The following CNTNAP2 variants were observed in gnomAD, a reference collection of about 807,000 sequenced individuals.
CNTNAP2 encodes the protein contactin associated protein 2.
Under a neutral mutation model 155.2 loss-of-function variants are expected in CNTNAP2, and 98 were observed. That is an observed-to-expected ratio of 0.63 (90% CI 0.54 to 0.75). The LOEUF is 0.75. CNTNAP2 is among the 30% of genes least tolerant of loss of function. The pLI is 0.00. For missense variants in CNTNAP2, 1,727 were observed against 1,688.1 expected (o/e 1.02, Z -0.40); for synonymous variants, 651 against 631.2 (o/e 1.03, Z -0.47).
chr7:147,985,269 G>T (rs1202467610), intron 15 of CNTNAP2, among the ~76,000 whole-genome samples: 1 of 151,662 alleles, frequency 6.6e-6, no homozygotes, highest in Non-Finnish European at 1.5e-5. Context: ...ATAAGCTTCT[G>T]AACCCCCACT....
At chr7:147,746,163 G>T (rs528100991) in intron 13 of CNTNAP2, among the ~76,000 whole-genome samples, 1 of 152,274 alleles carries the variant, frequency 6.6e-6, no homozygotes, top group African/African-American at 2.4e-5. Context: ...CTCCCTGCAG[G>T]TCTATAGTAG....
At chr7:146,903,469 A>G (rs1337121287) in intron 3 of CNTNAP2, among the ~76,000 whole-genome samples, 1 of 152,208 alleles carries the variant, frequency 6.6e-6, no homozygotes, top group Non-Finnish European at 1.5e-5. Context: ...AACAAAATAA[A>G]ACAAAATGAA....
chr7:146,821,281 A>T (rs1245327277), intron 2 of CNTNAP2, among the ~76,000 whole-genome samples: 1 of 152,120 alleles, frequency 6.6e-6, no homozygotes, highest in Non-Finnish European at 1.5e-5. Flanking sequence ...ACATTTTGGC[A>T]TGTTTTTGCA....
intron 13 of CNTNAP2, among the ~76,000 whole-genome samples, chr7:147,875,367 C>G: frequency 6.6e-6 from 1 of 152,128 alleles, no homozygotes; most frequent in Non-Finnish European, 1.5e-5. Flanking sequence ...TACAGGGGAA[C>G]TGCCCTTTAT....
chr7:146,578,588 T>C (rs554046082), intron 1 of CNTNAP2, among the ~76,000 whole-genome samples: 54 of 152,294 alleles, frequency 3.5e-4, no homozygotes, highest in African/African-American at 1.2e-3. Context: ...TTATTTCTAC[T>C]ATATTTTCTT....
chr7:147,326,185 A>C (rs1328714433), intron 9 of CNTNAP2, among the ~76,000 whole-genome samples: 1 of 152,192 alleles, frequency 6.6e-6, no homozygotes, highest in Non-Finnish European at 1.5e-5. Context: ...TGGCCTCCCA[A>C]AGTGCTGGGA....
intron 4 of CNTNAP2, among the ~76,000 whole-genome samples, chr7:147,046,482 T>C (rs1799358465): frequency 6.6e-6 from 1 of 152,222 alleles, no homozygotes; most frequent in Admixed American, 6.5e-5. Flanking sequence ...ATCTTGTGAA[T>C]ATTCTACAAT....
At chr7:146,640,350 T>G (rs1799684084) in intron 1 of CNTNAP2, among the ~76,000 whole-genome samples, 1 of 152,210 alleles carries the variant, frequency 6.6e-6, no homozygotes, top group African/African-American at 2.4e-5. Flanking sequence ...ATGTCTTTGG[T>G]GGCTGGTTCT....
At chr7:148,364,535 C>T (rs1370625318) in intron 21 of CNTNAP2, among the ~76,000 whole-genome samples, 1 of 152,172 alleles carries the variant, frequency 6.6e-6, no homozygotes, top group East Asian at 1.9e-4. Flanking sequence ...ATACACCAAT[C>T]AGCACCCTGT....
At chr7:146,315,119 C>G (rs570283974) in intron 1 of CNTNAP2, among the ~76,000 whole-genome samples, 1 of 152,240 alleles carries the variant, frequency 6.6e-6, no homozygotes, top group Non-Finnish European at 1.5e-5. Context: ...CAGAGACTGA[C>G]CTGTTAAAGG....
chr7:147,651,363 T>G (rs1326243584), intron 13 of CNTNAP2, among the ~76,000 whole-genome samples: 1 of 152,244 alleles, frequency 6.6e-6, no homozygotes, highest in African/African-American at 2.4e-5. Context: ...TTACTTAAAC[T>G]GTAATTACAT....
intron 1 of CNTNAP2, among the ~76,000 whole-genome samples, chr7:146,557,701 T>C (rs1184601608): frequency 1.3e-5 from 2 of 152,216 alleles, no homozygotes; most frequent in Non-Finnish European, 2.9e-5. Flanking sequence ...TGCTTCTTTA[T>C]TGACTGATTA....
chr7:147,756,939 G>A lies in CNTNAP2; in HGVS notation c.2098+117633G>A, dbSNP rs1797220515. Among the ~76,000 whole-genome samples the A allele has an allele frequency of 3.3e-5, 5 of 152,192 alleles. No individual in the cohort carries two copies. In the South Asian group the frequency reaches 1.0e-3, roughly 31 times the overall value. The stretch of plus-strand genomic sequence containing the variant: ...CCAGAATACTTAAGTCAGTCTGTCT[G>A]TTAGACTTGGAGGGAGGAAGATGAT... On this transcript the variant is annotated intron_variant, in intron 13 of 23. Transcript: ENST00000361727.
chr7:146,398,080 C>G (rs778720544), intron 1 of CNTNAP2, among the ~76,000 whole-genome samples: 3 of 151,454 alleles, frequency 2.0e-5, no homozygotes, highest in Non-Finnish European at 4.4e-5. Context: ...CCATGTTGCC[C>G]AGGATGGTCT....
chr7:147,617,909 A>G (rs1387061558), intron 12 of CNTNAP2, among the ~76,000 whole-genome samples: 1 of 152,194 alleles, frequency 6.6e-6, no homozygotes, highest in Non-Finnish European at 1.5e-5. Context: ...ACATGCTTGT[A>G]TAAGACTGCA....
intron 13 of CNTNAP2, among the ~76,000 whole-genome samples, chr7:147,754,161 T>C (rs1466375910): frequency 1.3e-5 from 2 of 152,152 alleles, no homozygotes; most frequent in African/African-American, 4.8e-5. Context: ...TCAAAAAGAA[T>C]AATGGCTGCA....
intron 8 of CNTNAP2, among the ~76,000 whole-genome samples, chr7:147,146,106 G>C (rs1186406068): frequency 1.3e-5 from 2 of 152,144 alleles, no homozygotes; most frequent in African/African-American, 4.8e-5. Flanking sequence ...GCCAATATTA[G>C]GTTCAGGTGT....
intron 8 of CNTNAP2, among the ~76,000 whole-genome samples, chr7:147,229,807 ATATAATAAATTAAAAAAT>A (rs1308053159): frequency 6.6e-6 from 1 of 152,222 alleles, no homozygotes; most frequent in Non-Finnish European, 1.5e-5. Context: ...TGAAATTGCA[ATATAATAAATTAAAAAAT>A]AAATGCTATT....
intron 10 of CNTNAP2, among the ~76,000 whole-genome samples, chr7:147,476,869 G>A (rs552541754): frequency 3.2e-4 from 48 of 150,522 alleles, no homozygotes; most frequent in African/African-American, 1.1e-3. Flanking sequence ...CGGAGGTTGC[G>A]GTGAGCTGAG....
Sources: gnomAD v4.1 joint callset for allele counts (sites outside exome capture counted in the v4.1 genomes callset) on GRCh38, gnomAD v4.1.1 for gene constraint, MANE v1.5 for transcripts, NCBI Gene and HGNC (gene_info 2026-07-23, HGNC 2026-07-21) for gene names.